Variants in RAD51B observed in about 807,000 individuals in gnomAD.
The protein encoded by RAD51B is RAD51 paralog B.
Under a neutral mutation model 42.2 loss-of-function variants are expected in RAD51B, and 38 were observed. That is an observed-to-expected ratio of 0.90 (90% CI 0.70 to 1.18). RAD51B has a LOEUF of 1.18. RAD51B is among the 50% of genes most tolerant of loss of function. The probability of loss-of-function intolerance (pLI) is 0.00; values close to 1 mark genes in which losing one functional copy is unlikely to be tolerated. For missense variants in RAD51B, 373 were observed against 400.7 expected, an observed-to-expected ratio of 0.93 and a Z score of 0.59; for synonymous variants, 154 against 145.2, an observed-to-expected ratio of 1.06 and a Z score of -0.43.
chr14:68,413,134 A>G (rs1235707314), intron 9 of RAD51B, among the ~76,000 whole-genome samples: 1 of 152,226 alleles, frequency 6.6e-6, no homozygotes, highest in Non-Finnish European at 1.5e-5. Flanking sequence ...AGAATTTATA[A>G]GTGAATAAAG....
chr14:68,374,228 A>G (rs1213517698), intron 8 of RAD51B, among the ~76,000 whole-genome samples: 1 of 152,204 alleles, frequency 6.6e-6, no homozygotes, highest in Non-Finnish European at 1.5e-5. Context: ...AGTGCCTAGG[A>G]CAGGGTCTCA....
At chr14:68,494,672 C>CA (rs1296793916) in intron 10 of RAD51B, among the ~76,000 whole-genome samples, 9 of 152,022 alleles carry the variant, frequency 5.9e-5, no homozygotes, top group African/African-American at 2.2e-4. Flanking sequence ...ATCTCCAATT[C>CA]CTGCCATATA....
At chr14:67,893,507 CACA>C (rs1156823333) in intron 7 of RAD51B, among the ~76,000 whole-genome samples, 2 of 75,358 alleles carry the variant, frequency 2.7e-5, no homozygotes, top group East Asian at 6.0e-4. Flanking sequence ...CACACACACA[CACA>C]AAAAAAAACA....
At chr14:68,601,640 A>G (rs1462939353) in intron 10 of RAD51B, among the ~76,000 whole-genome samples, 1 of 152,152 alleles carries the variant, frequency 6.6e-6, no homozygotes, top group Non-Finnish European at 1.5e-5. Flanking sequence ...CAGGGCTCCC[A>G]TCACTCAGCT....
intron 7 of RAD51B, among the ~76,000 whole-genome samples, chr14:67,996,340 G>C (rs1411141822): frequency 6.8e-6 from 1 of 147,766 alleles, no homozygotes; most frequent in Non-Finnish European, 1.5e-5. Flanking sequence ...AGGCTGCAGT[G>C]AGCCAAGATC....
In RAD51B at chr14:68,112,977, G is replaced by T. The variant is rs2077482852; in HGVS notation, c.757-178907G>T. Among the ~76,000 whole-genome samples the T allele has an allele frequency of 2.6e-5, 4 of 152,174 alleles. No individual in the cohort carries two copies. The South Asian group carries it at 8.3e-4, about 32-fold the overall frequency. On this transcript the variant is annotated intron_variant, in intron 7 of 10. Coordinates refer to ENST00000471583, the MANE Select transcript of RAD51B (RefSeq NM_133510.4). ...TGCTCTTAAATTTGGCTGTCTTAAA[G>T]TTCTCTGAACTTGTAAGATTTTGAC...
intron 7 of RAD51B, among the ~76,000 whole-genome samples, chr14:68,271,547 A>G (rs2139586491): frequency 6.6e-6 from 1 of 152,322 alleles, no homozygotes; most frequent in East Asian, 1.9e-4. Context: ...ATGGTAGGTA[A>G]GAAACAAGGC....
At chr14:68,083,177 G>A (rs958951025) in intron 7 of RAD51B, among the ~76,000 whole-genome samples, 64 of 152,208 alleles carry the variant, frequency 4.2e-4, no homozygotes, top group African/African-American at 1.5e-3. Flanking sequence ...TAAAAAAATG[G>A]GAACCACCTA....
At chr14:67,941,942 AAG>A (rs1271472436) in intron 7 of RAD51B, among the ~76,000 whole-genome samples, 1 of 152,232 alleles carries the variant, frequency 6.6e-6, no homozygotes, top group Non-Finnish European at 1.5e-5. Flanking sequence ...GAATAAAAGA[AAG>A]AGTGATTTCT....
chr14:67,899,676 A>G (rs2043545540), intron 7 of RAD51B, among the ~76,000 whole-genome samples: 1 of 152,222 alleles, frequency 6.6e-6, no homozygotes, highest in African/African-American at 2.4e-5. Flanking sequence ...AAAAATTTCT[A>G]CAGGTTTGAA....
intron 7 of RAD51B, among the ~76,000 whole-genome samples, chr14:68,247,924 T>C (rs1236391780): frequency 2.6e-5 from 4 of 152,186 alleles, no homozygotes; most frequent in African/African-American, 9.7e-5. Context: ...CGCTTTATAG[T>C]TACAAAATGC....
chr14:68,650,662 AAAC>A, intron 10 of RAD51B: 2 of 625,046 alleles, frequency 3.2e-6, no homozygotes, highest in Non-Finnish European at 5.7e-6. Context: ...ATCTAATTCA[AAAC>A]AACTAGTTTC....
intron 10 of RAD51B, among the ~76,000 whole-genome samples, chr14:68,632,968 C>CTTTTTTTTTTTTTTTTTTTTTTTT (rs397852024): frequency 1.7e-5 from 1 of 59,414 alleles, no homozygotes; most frequent in Non-Finnish European, 3.0e-5. Flanking sequence ...TTTTCTTTTT[C>CTTTTTTTTTTTTTTTTTTTTTTTT]TTTTTTTTTT....
Position 67,937,691 on chromosome 14 carries a change from C to T in RAD51B, c.756+50487C>T, listed in dbSNP as rs77589180. 5.6e-3 allele frequency among the ~76,000 whole-genome samples: 857 copies of T among 152,250 alleles called. 4 individuals are homozygous for T. Among genetic ancestry groups the T allele is most frequent in the South Asian group, 0.013 (64 of 4,822 alleles). Reference sequence around the variant, plus strand: ...GTGTTGATGAACATAGAGTAACACGCTGGGATGGTTGTGGCCACTTGTCTG... The same window carrying T: ...GTGTTGATGAACATAGAGTAACACGTTGGGATGGTTGTGGCCACTTGTCTG... On this transcript the variant is annotated intron_variant, in intron 7 of 10. Coordinates refer to ENST00000471583, the MANE Select transcript of RAD51B (RefSeq NM_133510.4).
intron 8 of RAD51B, among the ~76,000 whole-genome samples, chr14:68,298,124 T>C (rs1204367870): frequency 6.6e-6 from 1 of 152,128 alleles, no homozygotes; most frequent in African/African-American, 2.4e-5. Context: ...GCCTGATTTA[T>C]AGAAAAAGAT....
At chr14:68,013,559 A>G (rs1481504845) in intron 7 of RAD51B, among the ~76,000 whole-genome samples, 2 of 152,210 alleles carry the variant, frequency 1.3e-5, no homozygotes, top group Non-Finnish European at 2.9e-5. Flanking sequence ...GGACTACTGT[A>G]AATACTAAAC....
intron 8 of RAD51B, among the ~76,000 whole-genome samples, chr14:68,409,127 A>G (rs1243534546): frequency 2.6e-5 from 4 of 152,242 alleles, no homozygotes; most frequent in African/African-American, 9.6e-5. Flanking sequence ...ATATAGAAAA[A>G]GCTGCTGAAC....
intron 10 of RAD51B, among the ~76,000 whole-genome samples, chr14:68,586,038 C>T (rs1280911699): frequency 6.6e-6 from 1 of 152,122 alleles, no homozygotes; most frequent in Non-Finnish European, 1.5e-5. Context: ...CACAGTGAAT[C>T]GGCTGCAATC....
intron 7 of RAD51B, among the ~76,000 whole-genome samples, chr14:68,289,180 C>G (rs1388010030): frequency 6.6e-6 from 1 of 152,108 alleles, no homozygotes; most frequent in Non-Finnish European, 1.5e-5. Flanking sequence ...ATTTATTAAC[C>G]TGTATATGCT....
Sources: gnomAD v4.1 joint callset for allele counts (sites outside exome capture counted in the v4.1 genomes callset) on GRCh38, gnomAD v4.1.1 for gene constraint, MANE v1.5 for transcripts, NCBI Gene and HGNC (gene_info 2026-07-23, HGNC 2026-07-21) for gene names.